Variants in RPS29 observed in about 807,000 individuals in gnomAD.
The protein encoded by RPS29 is ribosomal protein S29.
For missense variants in RPS29, 60 were observed against 75.7 expected (o/e 0.79, Z 0.77); for synonymous variants, 37 against 26.9 (o/e 1.37, Z -1.16).
chr14:49,576,747 T>C (rs1881193252), exon 3 of RPS29: 1 of 152,198 alleles, frequency 6.6e-6, no homozygotes. Flanking sequence ...GTTTCCCCCA[T>C]ACTTTCTCAT....
At chr14:49,574,613 C>T (rs900545839) in exon 3 of RPS29, 6 of 152,152 alleles carry the variant, frequency 3.9e-5, no homozygotes, top group Non-Finnish European at 8.8e-5. Context: ...TTTTTCCAGA[C>T]CTTAGTAACT....
upstream of RPS29, chr14:49,586,385 T>TA: frequency 1.3e-6 from 2 of 1,581,436 alleles, no homozygotes; most frequent in South Asian, 1.1e-5. Flanking sequence ...AGGAAGAAGC[T>TA]GGCCCACGCA....
upstream of RPS29, among the ~76,000 whole-genome samples, chr14:49,591,042 C>A (rs1412573155): frequency 6.6e-6 from 1 of 151,868 alleles, no homozygotes; most frequent in Non-Finnish European, 1.5e-5. Context: ...CCCAGTTGTT[C>A]AATAGTGTTA....
Position 49,598,124 on chromosome 14 carries a change from G to A in RPS29, c.-133+276C>T, listed in dbSNP as rs578006293. 868 of 393,966 alleles carry A rather than the reference G, an allele frequency of 2.2e-3. 2 individuals carry two copies. The highest frequency in any genetic ancestry group is 3.0e-3 in the Non-Finnish European group (665 of 221,830). 24.4% of individuals were successfully genotyped at this position (393,966 alleles called of 1,614,324 possible). A position where few individuals can be genotyped will look rare whatever the true frequency, so the allele number is the denominator to read the frequency against. On this transcript the variant is annotated intron_variant, in intron 1 of 3. Coordinates refer to the RPS29 transcript ENST00000556230. ...TTCTGAACGTCATTTTACCATTACG[G>A]AAGTATAACTCAGACACAATAAAAT...
Position 49,586,368 on chromosome 14 carries a change from A to T in RPS29, c.-22T>A. On this transcript the variant is annotated 5_prime_UTR_variant, in exon 1 of 3. Coordinates refer to ENST00000245458, the MANE Select transcript of RPS29 (RefSeq NM_001032.5). ...CCATCTTGCTCTCAGCAGTGCAACG[A>T]GGTAAAAGGAAGAAGCTGGCCCACG... 6.2e-7 allele frequency: 1 copy of T among 1,611,698 alleles called. No homozygotes were observed. Among genetic ancestry groups the T allele is most frequent in the Non-Finnish European group, 8.5e-7 (1 of 1,177,756 alleles).
upstream of RPS29, among the ~76,000 whole-genome samples, chr14:49,589,780 C>A (rs1353973935): frequency 6.6e-6 from 1 of 152,094 alleles, no homozygotes; most frequent in Non-Finnish European, 1.5e-5. Flanking sequence ...ACTGAATCAA[C>A]CTAAATAGCA....
intron 1 of RPS29, among the ~76,000 whole-genome samples, chr14:49,595,011 C>T (rs1178105119): frequency 6.6e-6 from 1 of 152,162 alleles, no homozygotes; most frequent in African/African-American, 2.4e-5. Context: ...CCTCACTGGA[C>T]GTACTTTTGG....
At chr14:49,596,721 A>C (rs1289407245) in intron 1 of RPS29, among the ~76,000 whole-genome samples, 1 of 151,656 alleles carries the variant, frequency 6.6e-6, no homozygotes, top group Non-Finnish European at 1.5e-5. Flanking sequence ...TAATTACTGA[A>C]TCCATGCTTC....
chr14:49,597,373 A>G (rs113184669), intron 1 of RPS29: 1 of 151,730 alleles, frequency 6.6e-6, no homozygotes, highest in Non-Finnish European at 1.5e-5. Flanking sequence ...TTTCTACTCT[A>G]ATGAAAATTA....
upstream of RPS29, among the ~76,000 whole-genome samples, chr14:49,588,932 C>T (rs1245814080): frequency 7.7e-6 from 1 of 130,532 alleles, no homozygotes; most frequent in African/African-American, 2.8e-5. Context: ...CGCTCTGTGA[C>T]CCAGGCTGGA....
At chr14:49,583,286 C>G (rs989315720), downstream of RPS29, among the ~76,000 whole-genome samples, 1 of 152,162 alleles carries the variant, frequency 6.6e-6, no homozygotes, top group Non-Finnish European at 1.5e-5. Flanking sequence ...TGCGGTGGCT[C>G]ATGCCTGTAA....
downstream of RPS29, among the ~76,000 whole-genome samples, chr14:49,580,220 A>G (rs1881296748): frequency 1.3e-5 from 2 of 152,168 alleles, no homozygotes; most frequent in South Asian, 2.1e-4. Context: ...GACCTAACTC[A>G]CCACTACATA....
At chr14:49,596,920 T>TC (rs956112520) in intron 1 of RPS29, among the ~76,000 whole-genome samples, 3 of 100,650 alleles carry the variant, frequency 3.0e-5, no homozygotes, top group African/African-American at 1.2e-4. Context: ...TTCTTCTTCT[T>TC]TTTTTTTTTT....
intron 1 of RPS29, among the ~76,000 whole-genome samples, chr14:49,597,319 A>G (rs1242208441): frequency 6.6e-6 from 1 of 152,126 alleles, no homozygotes; most frequent in Non-Finnish European, 1.5e-5. Flanking sequence ...GAGCCTCCCA[A>G]ATTGTTGGGC....
chr14:49,584,985 A>G (rs1393452300), intron 2 of RPS29, among the ~76,000 whole-genome samples: 1 of 152,222 alleles, frequency 6.6e-6, no homozygotes, highest in Non-Finnish European at 1.5e-5. Flanking sequence ...AAGAGATAGA[A>G]GCACTAAATG....
At chr14:49,595,368 T>C (rs1475724722) in intron 1 of RPS29, among the ~76,000 whole-genome samples, 2 of 151,614 alleles carry the variant, frequency 1.3e-5, no homozygotes, top group Non-Finnish European at 1.5e-5. Flanking sequence ...GGAGGACAGC[T>C]TGAGGTCAGG....
At chr14:49,595,477 C>T (rs1881801726) in intron 1 of RPS29, among the ~76,000 whole-genome samples, 3 of 152,188 alleles carry the variant, frequency 2.0e-5, no homozygotes, top group Middle Eastern at 6.8e-3. Flanking sequence ...CATGGTGGCA[C>T]GCACCTGTAG....
At chr14:49,589,258 G>T (rs1881662513), upstream of RPS29, among the ~76,000 whole-genome samples, 1 of 151,712 alleles carries the variant, frequency 6.6e-6, no homozygotes, top group South Asian at 2.1e-4. Context: ...ATATTTATTG[G>T]GTTTGGGTTC....
At chr14:49,586,550 T>TC, upstream of RPS29, 1 of 596,544 alleles carries the variant, frequency 1.7e-6, no homozygotes, top group Non-Finnish European at 3.0e-6. Context: ...TACCACAGCT[T>TC]CTAGTGCTAT....
Sources: gnomAD v4.1 joint callset for allele counts (sites outside exome capture counted in the v4.1 genomes callset) on GRCh38, gnomAD v4.1.1 for gene constraint, MANE v1.5 for transcripts, NCBI Gene and HGNC (gene_info 2026-07-23, HGNC 2026-07-21) for gene names.